Variants in ABCC12 observed in about 807,000 individuals in gnomAD.
The protein encoded by ABCC12 is ATP binding cassette subfamily C member 12, also known as ATP-binding cassette sub-family C member 12.
Under a neutral mutation model 151.1 loss-of-function variants are expected in ABCC12, and 142 were observed. The ratio of observed to expected loss-of-function variants is 0.94; its 90% CI spans 0.82 to 1.08. ABCC12 has a LOEUF of 1.08. Among genes scored for constraint, ABCC12 ranks in the 50% least tolerant of loss-of-function variants. The pLI is 0.00. For missense variants in ABCC12, 1,638 were observed against 1,691.1 expected (o/e 0.97, Z 0.55); for synonymous variants, 645 against 646.4 (o/e 1.00, Z 0.03).
intron 27 of ABCC12, chr16:48,087,439 A>G (rs375765644): frequency 1.9e-5 from 3 of 156,114 alleles, no homozygotes; most frequent in African/African-American, 7.2e-5. Context: ...CTGGAGCCCC[A>G]CAGAAGCTGC....
Position 48,139,151 on chromosome 16 carries a change from G to T in ABCC12, c.831+12C>A. ...ATACAAAGCAGTTAGAAGCGCAAAA[G>T]CCTGCCGTTACCTGGACGGGTATGA... On this transcript the variant is annotated intron_variant, in intron 7 of 30. Transcript: ENST00000311303. 3 of 1,575,722 alleles carry T rather than the reference G, an allele frequency of 1.9e-6. No homozygotes were observed. Among genetic ancestry groups the T allele is most frequent in the Non-Finnish European group, 1.7e-6 (2 of 1,163,436 alleles).
intron 28 of ABCC12, chr16:48,086,364 C>G (rs1269877498): frequency 5.0e-6 from 1 of 200,852 alleles, no homozygotes; most frequent in Non-Finnish European, 1.0e-5. Context: ...GTAGCAGGGC[C>G]TTCCATCTGC....
intron 10 of ABCC12, among the ~76,000 whole-genome samples, chr16:48,129,374 C>T (rs1483454245): frequency 2.0e-5 from 3 of 152,146 alleles, no homozygotes; most frequent in African/African-American, 7.2e-5. Context: ...TGGGTCTGTA[C>T]AGGTGTTGTA....
chr16:48,097,078 T>TC (rs1459277027), intron 23 of ABCC12, 176 bp from the exon 24 acceptor site: 1 of 769,716 alleles, frequency 1.3e-6, no homozygotes, highest in African/African-American at 1.7e-5. Context: ...GAACATATAT[T>TC]CATGCTCTTA....
In ABCC12 at chr16:48,083,703, C is replaced by T; in HGVS notation, c.*12G>A. The T allele has an allele frequency of 6.2e-7, 1 of 1,613,700 alleles. No homozygotes were observed. The highest frequency in any genetic ancestry group is 1.7e-5 in the Admixed American group (1 of 59,932). On this transcript the variant is annotated 3_prime_UTR_variant, in exon 31 of 31. Coordinates refer to ENST00000311303, the MANE Select transcript of ABCC12 (RefSeq NM_001393797.1). ...GAGCCTCTTCCTCCTCTAGAATCAG[C>T]CGCCAGGACCTCTACAATCTGACTT...
chr16:48,096,565 T>A (rs1963102056), intron 24 of ABCC12, among the ~76,000 whole-genome samples, 181 bp downstream of exon 24: 1 of 152,168 alleles, frequency 6.6e-6, no homozygotes, highest in African/African-American at 2.4e-5. Context: ...AGAGACATGA[T>A]CCCACTGTGC....
At chr16:48,100,842 GC>G in intron 23 of ABCC12, 29 bp downstream of exon 23, 1 of 1,609,300 alleles carries the variant, frequency 6.2e-7, no homozygotes, top group Non-Finnish European at 8.5e-7. Flanking sequence ...AAGCATGGGG[GC>G]CTGGGGCAGG....
intron 24 of ABCC12, among the ~76,000 whole-genome samples, chr16:48,095,790 C>A (rs1482529592): frequency 6.6e-6 from 1 of 151,924 alleles, no homozygotes; most frequent in East Asian, 1.9e-4. Context: ...AGAAATTGGA[C>A]TTTAATCTTA....
chr16:48,104,184 A>C lies in ABCC12; in HGVS notation c.2858T>G (p.Leu953Ter). The change falls in exon 22 of 31, where the codon TTA becomes TGA. Residue 953 changes from leucine to a stop codon, truncating the protein, a stop_gained. Coordinates refer to ENST00000311303, the MANE Select transcript of ABCC12 (RefSeq NM_001393797.1). LOFTEE classifies it high-confidence loss of function. The stretch of plus-strand genomic sequence containing the variant: ...GCCTACAGCAAGGCTGGCCACGACT[A>C]AAAGGACAGCAGGAAACACAGCAGC... ...ILAAVFPAVL[L>*]VVASLAVGFF... The C allele has an allele frequency of 6.2e-7, 1 of 1,614,244 alleles. No homozygotes were observed. Among genetic ancestry groups the C allele is most frequent in the Non-Finnish European group, 8.5e-7 (1 of 1,180,054 alleles).
At chr16:48,127,773 A>G (rs1465934930) in intron 11 of ABCC12, among the ~76,000 whole-genome samples, 2 of 152,194 alleles carry the variant, frequency 1.3e-5, no homozygotes, top group African/African-American at 4.8e-5. Context: ...TTAAGAACAT[A>G]TCTAGGACAG....
intron 3 of ABCC12, among the ~76,000 whole-genome samples, chr16:48,145,450 C>T (rs896860624): frequency 6.6e-6 from 1 of 152,220 alleles, no homozygotes; most frequent in Non-Finnish European, 1.5e-5. Context: ...AAAATGACCC[C>T]GTTTTCTCTC....
chr16:48,091,270 C>A (rs1430131227), intron 24 of ABCC12, 61 bp from the exon 25 acceptor site: 9 of 1,476,506 alleles, frequency 6.1e-6, no homozygotes, highest in Non-Finnish European at 8.5e-6. Flanking sequence ...TTCTGCAGCT[C>A]CCCGTTCAGG....
chr16:48,110,722 T>C (rs1963655753), intron 18 of ABCC12, among the ~76,000 whole-genome samples: 1 of 152,074 alleles, frequency 6.6e-6, no homozygotes, highest in South Asian at 2.1e-4. Context: ...CTATACAACC[T>C]TGAGGGACCA....
Position 48,124,295 on chromosome 16 carries a change from AAC to A in ABCC12, c.1516-13_1516-12del. 4 of 1,613,518 alleles carry A rather than the reference AAC, an allele frequency of 2.5e-6. No homozygotes were observed. Among genetic ancestry groups the A allele is most frequent in the Non-Finnish European group, 3.4e-6 (4 of 1,179,438 alleles). On this transcript the variant is annotated splice_polypyrimidine_tract_variant and intron_variant, in intron 11 of 30. Transcript: ENST00000311303. The stretch of plus-strand genomic sequence containing the variant: ...TCCCAAGATCTTCCCCTGCCAGAGA[AAC>A]AGAGATGGGACACAGTCACTCTCTC...
chr16:48,107,048 CG>C (rs1963516588), intron 20 of ABCC12, among the ~76,000 whole-genome samples: 1 of 152,206 alleles, frequency 6.6e-6, no homozygotes, highest in Admixed American at 6.5e-5. Context: ...CAATCTTGTA[CG>C]TGCCTGATTC....
chr16:48,104,708 A>G (rs879718549), intron 21 of ABCC12, among the ~76,000 whole-genome samples: 1 of 152,148 alleles, frequency 6.6e-6, no homozygotes, highest in Non-Finnish European at 1.5e-5. Flanking sequence ...GCCAAGTTTC[A>G]CTTTGTCTCT....
intron 2 of ABCC12, among the ~76,000 whole-genome samples, chr16:48,149,938 T>A (rs867150122): frequency 6.6e-6 from 1 of 152,226 alleles, no homozygotes; most frequent in Admixed American, 6.5e-5. Flanking sequence ...AAATTGCAAG[T>A]CTTGGCATAT....
chr16:48,094,740 G>C (rs1829112387), intron 24 of ABCC12, among the ~76,000 whole-genome samples: 1 of 152,178 alleles, frequency 6.6e-6, no homozygotes, highest in Admixed American at 6.5e-5. Context: ...ACTCCTTTAA[G>C]TCTTGCATTT....
intron 1 of ABCC12, among the ~76,000 whole-genome samples, chr16:48,154,966 C>T (rs909187037): frequency 1.3e-5 from 2 of 152,270 alleles, no homozygotes; most frequent in African/African-American, 2.4e-5. Context: ...TCCTCCAGGG[C>T]CTGACTGGCC....
Sources: gnomAD v4.1 joint callset for allele counts (sites outside exome capture counted in the v4.1 genomes callset) on GRCh38, gnomAD v4.1.1 for gene constraint, MANE v1.5 for transcripts, NCBI Gene and HGNC (gene_info 2026-07-23, HGNC 2026-07-21) for gene names.